The following NFU1 variants were observed in gnomAD, a reference collection of about 807,000 sequenced individuals.
The protein encoded by NFU1 is NFU1 iron-sulfur cluster scaffold, also known as NFU1 iron-sulfur cluster scaffold homolog, mitochondrial.
A neutral mutation model predicts 32.2 loss-of-function variants in NFU1; 30 were observed. The observed-to-expected ratio is 0.93, with a 90% CI of 0.70 to 1.26. The LOEUF is 1.26. Among genes scored for constraint, NFU1 ranks in the 50% most tolerant of loss-of-function variants. The pLI is 0.00. For missense variants in NFU1, 306 were observed against 306.6 expected (o/e 1.00, Z 0.02); for synonymous variants, 112 against 104.6 (o/e 1.07, Z -0.43).
intron 3 of NFU1, among the ~76,000 whole-genome samples, chr2:69,421,846 G>T (rs1673256618): frequency 6.6e-6 from 1 of 151,976 alleles, no homozygotes; most frequent in Non-Finnish European, 1.5e-5. Context: ...ACAGGGATGA[G>T]CCACCGCACC....
rs370933870 is a variant in NFU1, at chr2:69,437,400, C to A, written c.23G>T (p.Gly8Val). 6.2e-7 allele frequency: 1 copy of A among 1,610,496 alleles called. No individual in the cohort carries two copies. The highest frequency in any genetic ancestry group is 1.1e-5 in the South Asian group (1 of 90,962). The stretch of plus-strand genomic sequence containing the variant: ...GGCGGCAACAGCCGCAGCTCCCCAG[C>A]CCCGCCTGGCCGTCGCCGCCATCTT... MAATARR[G>V]WGAAAVAAGL... The change falls in exon 1 of 8, where the codon GGC becomes GTC. Residue 8 changes from glycine (G) to valine (V), a missense_variant. Coordinates refer to ENST00000410022, the MANE Select transcript of NFU1 (RefSeq NM_001002755.4).
upstream of NFU1, among the ~76,000 whole-genome samples, chr2:69,437,871 G>A (rs1673911979): frequency 1.3e-5 from 2 of 152,096 alleles, no homozygotes; most frequent in Admixed American, 6.6e-5. Context: ...CATTTCTCCT[G>A]CCCTTTTCCC....
intron 4 of NFU1, chr2:69,416,329 T>TA (rs1484741973): frequency 5.4e-5 from 8 of 147,372 alleles, no homozygotes; most frequent in Admixed American, 4.8e-4. Context: ...TAATAAAAAT[T>TA]AATATTTAAT....
chr2:69,417,812 A>G (rs947403888), intron 4 of NFU1, among the ~76,000 whole-genome samples: 1 of 152,034 alleles, frequency 6.6e-6, no homozygotes, highest in African/African-American at 2.4e-5. Flanking sequence ...AATGAAAGTA[A>G]GAGAGCTAAA....
At chr2:69,422,456 A>T (rs561528854) in intron 3 of NFU1, among the ~76,000 whole-genome samples, 30 of 152,314 alleles carry the variant, frequency 2.0e-4, no homozygotes, top group Middle Eastern at 3.4e-3. Flanking sequence ...GTTTTCATTT[A>T]TAGTTCTGAA....
At chr2:69,404,558 T>C (rs1672632264) in intron 6 of NFU1, among the ~76,000 whole-genome samples, 1 of 151,166 alleles carries the variant, frequency 6.6e-6, no homozygotes, top group African/African-American at 2.4e-5. Flanking sequence ...AACATATACA[T>C]TACCTCGCAT....
chr2:69,428,845 TAGTC>T (rs1361047045), intron 2 of NFU1, among the ~76,000 whole-genome samples: 1 of 152,236 alleles, frequency 6.6e-6, no homozygotes, highest in Admixed American at 6.5e-5. Flanking sequence ...ATGCTTTTCT[TAGTC>T]ATTACAGAAA....
intron 5 of NFU1, among the ~76,000 whole-genome samples, chr2:69,406,950 A>C: frequency 6.6e-6 from 1 of 152,088 alleles, no homozygotes; most frequent in East Asian, 1.9e-4. Flanking sequence ...TCGTTTTATA[A>C]GGAACTTTTC....
intron 3 of NFU1, among the ~76,000 whole-genome samples, chr2:69,423,277 T>A (rs930704440): frequency 7.4e-6 from 1 of 134,754 alleles, no homozygotes; most frequent in African/African-American, 2.9e-5. Context: ...TGTGTGTGTG[T>A]GTGTGTGTGT....
chr2:69,411,617 T>C (rs1188002509), intron 5 of NFU1, among the ~76,000 whole-genome samples: 1 of 152,240 alleles, frequency 6.6e-6, no homozygotes. Context: ...TTAAGAGATG[T>C]GGTCTAGTTC....
intron 1 of NFU1, among the ~76,000 whole-genome samples, chr2:69,434,002 T>G (rs961987490): frequency 2.7e-5 from 4 of 150,724 alleles, no homozygotes; most frequent in Non-Finnish European, 5.9e-5. Context: ...CAGGCTGATC[T>G]CCAGCTCCTG....
chr2:69,406,122 T>G (rs1197726241), intron 5 of NFU1, 40 bp from the exon 6 acceptor site: 12 of 1,195,790 alleles, frequency 1.0e-5, no homozygotes, highest in Admixed American at 5.1e-5. Context: ...GAGTAGAAAT[T>G]TTATAGCCAT....
At chr2:69,416,959 G>T (rs1206154156) in intron 4 of NFU1, among the ~76,000 whole-genome samples, 2 of 152,120 alleles carry the variant, frequency 1.3e-5, no homozygotes, top group African/African-American at 4.8e-5. Flanking sequence ...AATGGGGACT[G>T]CTAAGGTTAT....
intron 1 of NFU1, among the ~76,000 whole-genome samples, chr2:69,436,654 A>G (rs563112278): frequency 1.8e-4 from 28 of 152,318 alleles, no homozygotes; most frequent in African/African-American, 6.7e-4. Flanking sequence ...TTAACACTAC[A>G]ATGTCTAATA....
At chr2:69,419,504 T>C (rs538875159) in intron 4 of NFU1, 34 bp downstream of exon 4, 1 of 1,168,232 alleles carries the variant, frequency 8.6e-7, no homozygotes, top group Admixed American at 1.8e-5. Flanking sequence ...ATGAAGAGTA[T>C]TTCAAGTCTT....
intron 5 of NFU1, 72 bp downstream of exon 5, chr2:69,415,113 C>T: frequency 1.3e-6 from 1 of 798,214 alleles, no homozygotes. Flanking sequence ...CTTCTGAAAT[C>T]AAGGTAAATG....
upstream of NFU1, chr2:69,437,490 C>T (rs915397601): frequency 1.9e-6 from 3 of 1,563,416 alleles, no homozygotes; most frequent in African/African-American, 2.7e-5. Context: ...GCAGGCTGGC[C>T]GGTAGCTGGG....
Position 69,431,970 on chromosome 2 carries a change from T to C in NFU1, c.98A>G (p.Lys33Arg). 1 of 1,613,682 alleles carries C rather than the reference T, an allele frequency of 6.2e-7. No homozygotes were observed. The highest frequency in any genetic ancestry group is 1.1e-5 in the South Asian group (1 of 91,072). Residue 33 changes from lysine to arginine, a missense_variant, in exon 2 of 8, where the codon AAG becomes AGG. Lys to Arg is a conservative substitution (Grantham distance 26). Coordinates refer to ENST00000410022, the MANE Select transcript of NFU1 (RefSeq NM_001002755.4). ...CHMLKNPYTI[K>R]KQPLHQFVQR... The stretch of plus-strand genomic sequence containing the variant: ...TACAAACTGATGCAGAGGCTGTTTC[T>C]TAATGGTGTATGGATTCTTCAACAT...
chr2:69,397,287 T>C (rs911289024), intron 7 of NFU1, among the ~76,000 whole-genome samples: 1 of 152,198 alleles, frequency 6.6e-6, no homozygotes, highest in Non-Finnish European at 1.5e-5. Flanking sequence ...TAGGAACTAA[T>C]TATTTTAGTC....
Sources: gnomAD v4.1 joint callset for allele counts (sites outside exome capture counted in the v4.1 genomes callset) on GRCh38, gnomAD v4.1.1 for gene constraint, MANE v1.5 for transcripts, NCBI Gene and HGNC (gene_info 2026-07-23, HGNC 2026-07-21) for gene names.